Variants in NKX2-6 observed in about 807,000 individuals in gnomAD.
The protein encoded by NKX2-6 is NK2 homeobox 6.
A neutral mutation model predicts 8.6 loss-of-function variants in NKX2-6; 8 were observed. The observed-to-expected ratio is 0.93, with a 90% CI of 0.54 to 1.67. The LOEUF (loss-of-function observed/expected upper bound fraction) is 1.67. NKX2-6 is among the 40% of genes most tolerant of loss of function. NKX2-6 has a pLI of 0.00. For missense variants in NKX2-6, 475 were observed against 423.1 expected (o/e 1.12, Z -1.08); for synonymous variants, 210 against 199.3 (o/e 1.05, Z -0.45).
Position 23,702,784 on chromosome 8 carries a change from G to A in NKX2-6, c.573C>T (p.Arg191=). The change falls in exon 2 of 2, where the codon CGC becomes CGT. Residue 191 remains arginine, a synonymous_variant. Coordinates refer to ENST00000325017, the MANE Select transcript of NKX2-6 (RefSeq NM_001136271.3). ...QNRRYKCKRQ[R]QDKSLELAGH... The stretch of plus-strand genomic sequence containing the variant: ...CAGCCAGTTCCAGCGACTTGTCCTG[G>A]CGCTGTCTCTTGCATTTGTAGCGTC... The A allele has an allele frequency of 1.3e-6, 2 of 1,561,882 alleles. No homozygotes were observed. Among genetic ancestry groups the A allele is most frequent in the South Asian group, 2.4e-5 (2 of 84,786 alleles).
chr8:23,703,047 C>T lies in NKX2-6; in HGVS notation c.310G>A (p.Gly104Arg). 1.9e-6 allele frequency: 3 copies of T among 1,540,494 alleles called. No homozygotes were observed. The highest frequency in any genetic ancestry group is 2.4e-5 in the South Asian group (2 of 83,922). The change falls in exon 2 of 2, where the codon GGG (glycine) becomes AGG (arginine). Residue 104 changes from glycine to arginine, a missense_variant. Coordinates refer to ENST00000325017, the MANE Select transcript of NKX2-6 (RefSeq NM_001136271.3). ...ACGCCGCGCTCTGGCACCCTGGTCC[C>T]GCCGCCGAGGGGCGAGGCCGCGTTC... is the stretch of plus-strand genomic sequence containing the variant. ...GLNAASPLGG[G>R]TRVPERGVGN...
At chr8:23,703,430 C>T (rs1425129386) in intron 1 of NKX2-6, among the ~76,000 whole-genome samples, 2 of 152,090 alleles carry the variant, frequency 1.3e-5, no homozygotes, top group African/African-American at 2.4e-5. Context: ...GGCGCAGTGG[C>T]TCATGCCTGT....
chr8:23,704,668 A>G (rs543841240), intron 1 of NKX2-6, among the ~76,000 whole-genome samples: 11 of 152,344 alleles, frequency 7.2e-5, no homozygotes, highest in Admixed American at 3.9e-4. Context: ...AACTTCCTTC[A>G]GAGACGTCTG....
chr8:23,703,503 T>A (rs1801042328), intron 1 of NKX2-6, among the ~76,000 whole-genome samples: 1 of 152,086 alleles, frequency 6.6e-6, no homozygotes, highest in African/African-American at 2.4e-5. Flanking sequence ...GAGACCATCC[T>A]GGCTAACACG....
At chr8:23,704,241 A>G (rs1246966587) in intron 1 of NKX2-6, among the ~76,000 whole-genome samples, 3 of 152,248 alleles carry the variant, frequency 2.0e-5, no homozygotes, top group African/African-American at 4.8e-5. Context: ...TGAGAGATAC[A>G]TAAAGTTGAG....
intron 1 of NKX2-6, among the ~76,000 whole-genome samples, chr8:23,706,029 T>A (rs1485262916): frequency 1.3e-5 from 2 of 152,130 alleles, no homozygotes; most frequent in African/African-American, 4.8e-5. Flanking sequence ...GTGGAGGTTC[T>A]GGGCACTGTG....
At chr8:23,704,572 G>C (rs558233779) in intron 1 of NKX2-6, among the ~76,000 whole-genome samples, 33 of 152,228 alleles carry the variant, frequency 2.2e-4, no homozygotes, top group Non-Finnish European at 2.8e-4. Flanking sequence ...AGTGCGATTG[G>C]AACCAGACTC....
In NKX2-6 at chr8:23,706,346, C is replaced by T; in HGVS notation, c.253G>A (p.Ala85Thr). Residue 85 changes from alanine (A) to threonine (T), a missense_variant, in exon 1 of 2, where the codon GCG (alanine) becomes ACG (threonine). Ala to Thr is a moderately conservative substitution (Grantham distance 58). Transcript: ENST00000325017. ...TCACGTGGCTCCCCCATCCGTTCCG[C>T]GTCCATCTCCAAGACTGCCTCACAG... ...GPCEAVLEMD[A>T]ERMGEPQPGL... 8 of 1,550,302 alleles carry T rather than the reference C, an allele frequency of 5.2e-6. No individual in the cohort carries two copies. Among genetic ancestry groups the T allele is most frequent in the Admixed American group, 2.0e-5 (1 of 50,974 alleles).
At position 23,701,947 on chromosome 8, in the gene NKX2-6, G is replaced by A. The variant is rs759223413; in HGVS notation, c.*504C>T. ...AGAGGCTCAAAGCAGGTTACTCTTC[G>A]TGAACTTCCCGGATCCTCAAGTTCC... On this transcript the variant is annotated 3_prime_UTR_variant, in exon 2 of 2. Coordinates refer to ENST00000325017, the MANE Select transcript of NKX2-6 (RefSeq NM_001136271.3). Among the ~76,000 whole-genome samples the A allele has an allele frequency of 1.2e-4, 18 of 152,236 alleles. No homozygotes were observed. Among genetic ancestry groups the A allele is most frequent in the African/African-American group, 3.4e-4 (14 of 41,542 alleles).
chr8:23,703,746 A>C (rs1801047927), intron 1 of NKX2-6, among the ~76,000 whole-genome samples: 1 of 152,070 alleles, frequency 6.6e-6, no homozygotes, highest in South Asian at 2.1e-4. Context: ...CTGTGTGTGC[A>C]TGGTAAACCT....
chr8:23,702,603 A>G lies in NKX2-6; in HGVS notation c.754T>C (p.Tyr252His). Residue 252 changes from tyrosine to histidine, a missense_variant, in exon 2 of 2, where the codon TAC (tyrosine) becomes CAC (histidine). Coordinates refer to ENST00000325017, the MANE Select transcript of NKX2-6 (RefSeq NM_001136271.3). Reference sequence around the variant, plus strand: ...TAGCAGGTGCCGTAGCCTGCGCCGTAGGGTGCTCCGCTGTAGCCTCCGTAG... The same window carrying G: ...TAGCAGGTGCCGTAGCCTGCGCCGTGGGGTGCTCCGCTGTAGCCTCCGTAG... ...SCYGGYSGAP[Y>H]GAGYGTCYAG... The G allele has an allele frequency of 6.5e-7, 1 of 1,547,272 alleles. No homozygotes were observed. Among genetic ancestry groups the G allele is most frequent in the Admixed American group, 2.0e-5 (1 of 50,954 alleles).
intron 1 of NKX2-6, among the ~76,000 whole-genome samples, chr8:23,703,357 T>G (rs1308328741): frequency 6.6e-6 from 1 of 152,144 alleles, no homozygotes; most frequent in Non-Finnish European, 1.5e-5. Flanking sequence ...TTCCTAAAGG[T>G]AGACTCTAGA....
intron 1 of NKX2-6, among the ~76,000 whole-genome samples, chr8:23,703,713 A>ACAAAC (rs11402124): frequency 1.3e-5 from 2 of 151,940 alleles, no homozygotes; most frequent in African/African-American, 4.8e-5. Flanking sequence ...AAACAAACAA[A>ACAAAC]AAACAAACAA....
Position 23,702,962 on chromosome 8 carries a change from C to A in NKX2-6, c.395G>T (p.Arg132Leu). 6.5e-7 allele frequency: 1 copy of A among 1,546,510 alleles called. No individual in the cohort carries two copies. The highest frequency in any genetic ancestry group is 8.7e-7 in the Non-Finnish European group (1 of 1,145,510). The stretch of plus-strand genomic sequence containing the variant: ...CGAAAAGAGCACGCGCGGCTTCCGT[C>A]GTTGCCGCGCCTTGGGCTGCTCCGA... ...GRSEQPKARQ[R>L]RKPRVLFSQA... The change falls in exon 2 of 2, where the codon CGA (arginine) becomes CTA (leucine). Residue 132 changes from arginine (R) to leucine (L), a missense_variant. Coordinates refer to ENST00000325017, the MANE Select transcript of NKX2-6 (RefSeq NM_001136271.3).
chr8:23,706,568 AG>A lies in NKX2-6; in HGVS notation c.30del (p.Phe11SerfsTer34). 1 of 1,536,078 alleles carries A rather than the reference AG, an allele frequency of 6.5e-7. No individual in the cohort carries two copies. Among genetic ancestry groups the A allele is most frequent in the South Asian group, 1.2e-5 (1 of 84,040 alleles). MLLSPVTST[P>X]FSVKDILRLE... ...AGTCGCAGGATGTCCTTGACCGAGA[AG>A]GGGGTGGAGGTGACGGGGCTCAGCA... is the stretch of plus-strand genomic sequence containing the variant. On this transcript the variant is annotated frameshift_variant, in exon 1 of 2. Coordinates refer to ENST00000325017, the MANE Select transcript of NKX2-6 (RefSeq NM_001136271.3). LOFTEE classifies it high-confidence loss of function.
rs1272226294 is a variant in NKX2-6, at chr8:23,702,042, A to G, written c.*409T>C. 1.3e-5 allele frequency among the ~76,000 whole-genome samples: 2 copies of G among 151,026 alleles called. No individual in the cohort carries two copies. Among genetic ancestry groups the G allele is most frequent in the Non-Finnish European group, 2.9e-5 (2 of 67,822 alleles). ...TTCCCCAACAGCTGTCATTAATTGG[A>G]GGATGGTAGGCCCGCTAGATCACCA... On this transcript the variant is annotated 3_prime_UTR_variant, in exon 2 of 2. Coordinates refer to ENST00000325017, the MANE Select transcript of NKX2-6 (RefSeq NM_001136271.3).
rs1428983813 is a variant in NKX2-6, at chr8:23,701,891, G to A, written c.*560C>T. 6.6e-6 allele frequency among the ~76,000 whole-genome samples: 1 copy of A among 152,106 alleles called. No homozygotes were observed. The highest frequency in any genetic ancestry group is 2.4e-5 in the African/African-American group (1 of 41,414). ...GGATTAACGGAGTCCCCTGGGGCGC[G>A]GCCTTATGGGGATGTTTAAGTCCCA... On this transcript the variant is annotated 3_prime_UTR_variant, in exon 2 of 2. Transcript: ENST00000325017.
chr8:23,703,221 CT>C, intron 1 of NKX2-6, 139 bp from the exon 2 acceptor site: 1 of 1,028,106 alleles, frequency 9.7e-7, no homozygotes, highest in Non-Finnish European at 1.4e-6. Flanking sequence ...CCCCCGAACC[CT>C]GTCCCAGGAC....
At position 23,706,503 on chromosome 8, in the gene NKX2-6, C is replaced by G. The variant is rs1437348175; in HGVS notation, c.96G>C (p.Pro32=). Reference sequence around the variant, plus strand: ...AGTTTTCCGGGCTCTTCCGCACCCGCGGATGTGGCGAAGCCGCGGGGCAGC... The same window carrying G: ...AGTTTTCCGGGCTCTTCCGCACCCGGGGATGTGGCGAAGCCGCGGGGCAGC... The part of the protein sequence containing the change: ...ERSCPAASPH[P]RVRKSPENFQ... Residue 32 remains proline, a synonymous_variant, in exon 1 of 2, where the codon CCG becomes CCC. Coordinates refer to ENST00000325017, the MANE Select transcript of NKX2-6 (RefSeq NM_001136271.3). 1.0e-5 allele frequency: 16 copies of G among 1,538,436 alleles called. No individual in the cohort carries two copies. The highest frequency in any genetic ancestry group is 1.4e-5 in the Non-Finnish European group (16 of 1,146,938).
Sources: gnomAD v4.1 joint callset for allele counts (sites outside exome capture counted in the v4.1 genomes callset) on GRCh38, gnomAD v4.1.1 for gene constraint, MANE v1.5 for transcripts, NCBI Gene and HGNC (gene_info 2026-07-23, HGNC 2026-07-21) for gene names.